The following SCFD2 variants were observed in gnomAD, a reference collection of about 807,000 sequenced individuals.
SCFD2 encodes the protein sec1 family domain-containing protein 2.
Under a neutral mutation model 58.9 loss-of-function variants are expected in SCFD2, and 54 were observed. That is an observed-to-expected ratio of 0.92 (90% CI 0.74 to 1.15). SCFD2 has a LOEUF of 1.15. SCFD2 is among the 50% of genes most tolerant of loss of function. The probability of loss-of-function intolerance (pLI) is 0.00; values close to 1 mark genes in which losing one functional copy is unlikely to be tolerated. For synonymous variants in SCFD2, 321 were observed against 335.9 expected (o/e 0.96, Z 0.49); for missense variants, 805 against 836.6 (o/e 0.96, Z 0.47).
intron 5 of SCFD2, among the ~76,000 whole-genome samples, chr4:53,026,356 T>C (rs1722473798): frequency 6.6e-6 from 1 of 152,224 alleles, no homozygotes; most frequent in Non-Finnish European, 1.5e-5. Flanking sequence ...GAGTTATCAC[T>C]GTGCTTCCGA....
At chr4:53,106,376 C>A (rs184683343) in intron 5 of SCFD2, among the ~76,000 whole-genome samples, 1 of 152,194 alleles carries the variant, frequency 6.6e-6, no homozygotes, top group Admixed American at 6.5e-5. Context: ...ATGAGTTTGA[C>A]GAATTGCCAG....
At chr4:53,063,654 C>T (rs552255051) in intron 5 of SCFD2, among the ~76,000 whole-genome samples, 4 of 152,202 alleles carry the variant, frequency 2.6e-5, no homozygotes, top group African/African-American at 9.6e-5. Context: ...GACAATAGTG[C>T]TTACCTCTAC....
intron 5 of SCFD2, among the ~76,000 whole-genome samples, chr4:52,984,744 T>C (rs1721450972): frequency 6.6e-6 from 1 of 152,216 alleles, no homozygotes; most frequent in South Asian, 2.1e-4. Flanking sequence ...GAGAGGCACA[T>C]AAAGCCATGT....
At position 52,918,785 on chromosome 4, in the gene SCFD2, G is replaced by T. The variant is rs565460644; in HGVS notation, c.1707+1940C>A. Among the ~76,000 whole-genome samples, 170 of 152,284 alleles carry T rather than the reference G, an allele frequency of 1.1e-3. No homozygotes were observed. In the South Asian group the frequency reaches 0.034, roughly 31 times the overall value. ...CAATTGATCATGGACCTCTGTTTCA[G>T]TTGAGCTCCCCAAGAAGCGGACCTT... On this transcript the variant is annotated intron_variant, in intron 6 of 8. Coordinates refer to ENST00000401642, the MANE Select transcript of SCFD2 (RefSeq NM_152540.4).
chr4:53,105,495 G>A (rs539181465), intron 5 of SCFD2, among the ~76,000 whole-genome samples: 6 of 152,328 alleles, frequency 3.9e-5, no homozygotes, highest in African/African-American at 1.4e-4. Flanking sequence ...CTCGACCTTG[G>A]TCGGGGGAGG....
At chr4:53,123,532 T>TGGGGGGGGGGGGG (rs11293174) in intron 5 of SCFD2, among the ~76,000 whole-genome samples, 1 of 95,372 alleles carries the variant, frequency 1.0e-5, no homozygotes, top group Non-Finnish European at 2.2e-5. Context: ...GAGATGGGGG[T>TGGGGGGGGGGGGG]GGGGGGGGGG....
rs544865407 is a variant in SCFD2, at chr4:52,874,006, A to G, written c.2018T>C (p.Phe673Ser). ...GTCTGGATGCAGTCGGTCAGTTGCA[A>G]ATAACAGCTCAGGAATGTTAAGTGG... Reference protein sequence around the residue: ...LKPLNIPELLFATDRLHPDLG... With the variant: ...LKPLNIPELLSATDRLHPDLG... Residue 673 changes from phenylalanine to serine, a missense_variant, in exon 9 of 9, where the codon TTT (phenylalanine) becomes TCT (serine). Phe to Ser is a radical substitution (Grantham distance 155, BLOSUM62 -2). Around this residue, in one of 3 missense-constraint regions of SCFD2, gnomAD observed 633 missense variants for 646.8 expected, o/e 0.98. Transcript: ENST00000401642. The G allele has an allele frequency of 6.2e-7, 1 of 1,614,188 alleles. No individual in the cohort carries two copies. The highest frequency in any genetic ancestry group is 1.1e-5 in the South Asian group (1 of 91,078).
chr4:53,189,902 G>C (rs192473830), intron 4 of SCFD2, among the ~76,000 whole-genome samples: 1 of 152,226 alleles, frequency 6.6e-6, no homozygotes, highest in East Asian at 1.9e-4. Context: ...CCAGTGCCTA[G>C]AACACAACAT....
chr4:52,973,420 A>G (rs1315515110), intron 5 of SCFD2, among the ~76,000 whole-genome samples: 2 of 152,282 alleles, frequency 1.3e-5, no homozygotes, highest in Non-Finnish European at 2.9e-5. Context: ...AAAATCTAGA[A>G]GACATGGATA....
intron 4 of SCFD2, among the ~76,000 whole-genome samples, chr4:53,194,477 CA>C (rs1460616618): frequency 6.6e-6 from 1 of 152,128 alleles, no homozygotes; most frequent in Non-Finnish European, 1.5e-5. Context: ...TATGAAAATC[CA>C]CTCTAGTAAC....
intron 4 of SCFD2, 192 bp downstream of exon 4, chr4:53,273,634 C>T: frequency 2.0e-6 from 1 of 490,454 alleles, no homozygotes; most frequent in East Asian, 3.4e-5. Context: ...ATGTTACTGT[C>T]AAAATTTTTT....
chr4:53,187,159 C>T (rs1219009113), intron 4 of SCFD2, among the ~76,000 whole-genome samples: 2 of 151,960 alleles, frequency 1.3e-5, no homozygotes, highest in African/African-American at 4.8e-5. Flanking sequence ...CCGAGCTCAG[C>T]ATTTCACAAA....
intron 7 of SCFD2, among the ~76,000 whole-genome samples, chr4:52,899,678 T>G (rs903746845): frequency 6.6e-6 from 1 of 152,232 alleles, no homozygotes; most frequent in Non-Finnish European, 1.5e-5. Context: ...CTGTATTTCC[T>G]GAATTTGAAT....
chr4:53,082,634 A>C (rs532652558), intron 5 of SCFD2, among the ~76,000 whole-genome samples: 6 of 151,962 alleles, frequency 3.9e-5, no homozygotes, highest in African/African-American at 1.5e-4. Flanking sequence ...GCCTGAGGAA[A>C]GAAGATCTAC....
intron 2 of SCFD2, among the ~76,000 whole-genome samples, chr4:53,345,011 G>C (rs1734013527): frequency 6.6e-6 from 1 of 152,076 alleles, no homozygotes; most frequent in South Asian, 2.1e-4. Context: ...AGAAAACCTA[G>C]GCAATACCAT....
chr4:53,203,413 G>A (rs1290928678), intron 4 of SCFD2, among the ~76,000 whole-genome samples: 1 of 151,854 alleles, frequency 6.6e-6, no homozygotes, highest in African/African-American at 2.4e-5. Context: ...CTAAAGATCT[G>A]TAAGTTGGAT....
chr4:53,263,492 GC>G (rs1263027017), intron 4 of SCFD2, among the ~76,000 whole-genome samples: 1 of 152,216 alleles, frequency 6.6e-6, no homozygotes. Context: ...CTTCCTGAGA[GC>G]TGCACTACAG....
chr4:52,932,048 T>C (rs1006506483), intron 5 of SCFD2, among the ~76,000 whole-genome samples: 3 of 152,208 alleles, frequency 2.0e-5, no homozygotes, highest in African/African-American at 7.2e-5. Flanking sequence ...TGACATCAGG[T>C]ACACTATTTC....
chr4:53,264,743 C>T lies in SCFD2; in HGVS notation c.1311+9083G>A, dbSNP rs142252857. ...ATTTATTAGAAAATTAGCAGACATA[C>T]TATTACTTAGCTTAGGTAAACTTGA... On this transcript the variant is annotated intron_variant, in intron 4 of 8. Transcript: ENST00000401642. 9.9e-5 allele frequency among the ~76,000 whole-genome samples: 15 copies of T among 152,256 alleles called. No homozygotes were observed. In the East Asian group the frequency reaches 2.9e-3, roughly 29 times the overall value.
Sources: gnomAD v4.1 joint callset for allele counts (sites outside exome capture counted in the v4.1 genomes callset) on GRCh38, gnomAD v4.1.1 for gene constraint, gnomAD v4.1.1 regional missense constraint, MANE v1.5 for transcripts, NCBI Gene and HGNC (gene_info 2026-07-23, HGNC 2026-07-21) for gene names.